UBASH3B: variants seen among roughly 807,000 people sequenced by gnomAD.
UBASH3B encodes ubiquitin associated and SH3 domain containing B.
In UBASH3B, 37 loss-of-function variants were observed where a neutral mutation model predicts 83.4. That is an observed-to-expected ratio of 0.44 (90% confidence interval 0.34 to 0.58). The LOEUF is 0.58. Ranked by LOEUF, UBASH3B falls within the 20% of genes least tolerant of loss-of-function variation. The pLI is 0.01. For synonymous variants in UBASH3B, 304 were observed against 318.3 expected, an observed-to-expected ratio of 0.96 and a Z score of 0.48; for missense variants, 657 against 827.2, an observed-to-expected ratio of 0.79 and a Z score of 2.52.
intron 1 of UBASH3B, among the ~76,000 whole-genome samples, chr11:122,679,195 G>A (rs1863707222): frequency 6.6e-6 from 1 of 152,210 alleles, no homozygotes; most frequent in Admixed American, 6.5e-5. Context: ...GAAGGGGTGG[G>A]GCGAGGAGGG....
intron 1 of UBASH3B, among the ~76,000 whole-genome samples, chr11:122,696,492 G>A (rs1032695672): frequency 2.0e-5 from 3 of 151,866 alleles, no homozygotes; most frequent in African/African-American, 7.3e-5. Flanking sequence ...TGCATTTTTA[G>A]TCGAGACAGG....
chr11:122,784,499 A>G (rs1860913786), intron 5 of UBASH3B, among the ~76,000 whole-genome samples: 1 of 152,142 alleles, frequency 6.6e-6, no homozygotes, highest in Non-Finnish European at 1.5e-5. Context: ...ATCTCTACCC[A>G]CCCACAAAAG....
intron 7 of UBASH3B, 61 bp from the exon 8 acceptor site, chr11:122,796,095 G>T: frequency 1.3e-6 from 2 of 1,596,314 alleles, no homozygotes; most frequent in South Asian, 2.3e-5. Context: ...CTGGCACCTG[G>T]CTCCAAGACA....
intron 3 of UBASH3B, among the ~76,000 whole-genome samples, chr11:122,777,613 G>C (rs982688525): frequency 2.5e-5 from 3 of 120,150 alleles, no homozygotes; most frequent in Admixed American, 1.6e-4. Context: ...GCCATTTCCT[G>C]TCCACAAGTT....
intron 13 of UBASH3B, among the ~76,000 whole-genome samples, chr11:122,808,982 A>AG (rs1861390232): frequency 6.6e-6 from 1 of 151,516 alleles, no homozygotes; most frequent in Non-Finnish European, 1.5e-5. Context: ...AGGAGAAAAA[A>AG]AAAACGGGTG....
intron 1 of UBASH3B, among the ~76,000 whole-genome samples, chr11:122,744,431 G>A (rs1034143593): frequency 4.6e-5 from 7 of 152,176 alleles, no homozygotes; most frequent in South Asian, 2.1e-4. Flanking sequence ...CATGTGTATC[G>A]GTGTGTGGCT....
intron 1 of UBASH3B, among the ~76,000 whole-genome samples, chr11:122,739,635 T>C (rs1020677463): frequency 6.6e-6 from 1 of 152,212 alleles, no homozygotes; most frequent in Non-Finnish European, 1.5e-5. Flanking sequence ...AACTTTGCAA[T>C]ACTGAAGGAA....
At chr11:122,657,197 A>G (rs532947496) in intron 1 of UBASH3B, among the ~76,000 whole-genome samples, 77 of 152,382 alleles carry the variant, frequency 5.1e-4, no homozygotes, top group Non-Finnish European at 6.3e-4. Flanking sequence ...CAGCACCTGA[A>G]CAGGAGAGTT....
At chr11:122,730,678 C>T (rs1349431086) in intron 1 of UBASH3B, among the ~76,000 whole-genome samples, 2 of 152,064 alleles carry the variant, frequency 1.3e-5, no homozygotes, top group East Asian at 3.9e-4. Flanking sequence ...TCATTGCAAC[C>T]TCTGCCTCCC....
chr11:122,800,164 A>G (rs1457048026), intron 10 of UBASH3B, among the ~76,000 whole-genome samples: 2 of 152,194 alleles, frequency 1.3e-5, no homozygotes, highest in Non-Finnish European at 2.9e-5. Context: ...AATAATTTAC[A>G]TGATATTCAA....
intron 1 of UBASH3B, among the ~76,000 whole-genome samples, chr11:122,663,325 G>C (rs1304389047): frequency 6.6e-6 from 1 of 152,162 alleles, no homozygotes; most frequent in Non-Finnish European, 1.5e-5. Flanking sequence ...CCATGTTCGA[G>C]CTTACAAAGC....
chr11:122,692,614 A>G (rs997046080), intron 1 of UBASH3B, among the ~76,000 whole-genome samples: 1 of 152,238 alleles, frequency 6.6e-6, no homozygotes, highest in Non-Finnish European at 1.5e-5. Flanking sequence ...GACAGTTTGC[A>G]TACTGCCGAG....
chr11:122,802,049 G>T (rs1163649333), intron 11 of UBASH3B, among the ~76,000 whole-genome samples: 1 of 152,160 alleles, frequency 6.6e-6, no homozygotes, highest in Non-Finnish European at 1.5e-5. Context: ...GGGCACGGTG[G>T]CTCACGCCTA....
In UBASH3B at chr11:122,779,533, C is replaced by T. The variant is rs1008440505; in HGVS notation, c.439C>T (p.Leu147=). ...CAAGGTGGATGCCCTGGGGGAAGCC[C>T]TGCAGACCACGGTCAGTCGCTGGAA... ...DSKVDALGEA[L]QTTVSRWKCK... Residue 147 remains leucine, a synonymous_variant, in exon 4 of 14, where the codon CTG becomes TTG. Coordinates refer to ENST00000284273, the MANE Select transcript of UBASH3B (RefSeq NM_032873.5). 5 of 1,614,114 alleles carry T rather than the reference C, an allele frequency of 3.1e-6. No homozygotes were observed. Among genetic ancestry groups the T allele is most frequent in the Non-Finnish European group, 4.2e-6 (5 of 1,180,000 alleles).
intron 11 of UBASH3B, among the ~76,000 whole-genome samples, chr11:122,803,668 G>A (rs1032444257): frequency 6.6e-6 from 1 of 152,184 alleles, no homozygotes. Context: ...ACAGGGGACT[G>A]GGGGAGGGTA....
At chr11:122,792,650 G>C (rs1416413444) in intron 6 of UBASH3B, among the ~76,000 whole-genome samples, 1 of 152,120 alleles carries the variant, frequency 6.6e-6, no homozygotes, top group East Asian at 1.9e-4. Context: ...TGTGATGTTT[G>C]GGAGGGTCTT....
chr11:122,723,270 G>T (rs1383801712), intron 1 of UBASH3B, among the ~76,000 whole-genome samples: 2 of 152,160 alleles, frequency 1.3e-5, no homozygotes, highest in African/African-American at 4.8e-5. Context: ...TATTTCATTT[G>T]TTCATCACAA....
intron 1 of UBASH3B, among the ~76,000 whole-genome samples, chr11:122,678,329 A>T (rs1863693245): frequency 6.6e-6 from 1 of 152,218 alleles, no homozygotes; most frequent in African/African-American, 2.4e-5. Flanking sequence ...GTCAGCTAGC[A>T]GGGGTCACAA....
At chr11:122,709,617 G>T (rs963006742) in intron 1 of UBASH3B, 2 of 152,134 alleles carry the variant, frequency 1.3e-5, no homozygotes, top group Non-Finnish European at 2.9e-5. Context: ...GCAGCTGCTG[G>T]TTAACTCTTT....
Sources: allele counts gnomAD v4.1 joint callset (sites outside exome capture counted in the v4.1 genomes callset), GRCh38; gene constraint gnomAD v4.1.1; transcripts MANE v1.5; gene names NCBI Gene and HGNC (gene_info 2026-07-23, HGNC 2026-07-21).